The following POU2F3 variants were observed in gnomAD, a reference collection of about 807,000 sequenced individuals.
POU2F3 encodes the protein POU domain, class 2, transcription factor 3.
A neutral mutation model predicts 59.2 loss-of-function variants in POU2F3; 23 were observed. The ratio of observed to expected loss-of-function variants is 0.39; its 90% CI spans 0.28 to 0.55. The LOEUF (loss-of-function observed/expected upper bound fraction) is 0.55, where lower values mean the gene tolerates loss of function less well. POU2F3 is among the 20% of genes least tolerant of loss of function. The pLI, the probability that POU2F3 is intolerant of heterozygous loss-of-function variation, is 0.66. For missense variants in POU2F3, 473 were observed against 544.5 expected (o/e 0.87, Z 1.31); for synonymous variants, 190 against 214.6 (o/e 0.89, Z 1.00).
chr11:120,236,849 T>C (rs1269690854), upstream of POU2F3: 3 of 774,226 alleles, frequency 3.9e-6, no homozygotes, highest in Non-Finnish European at 4.2e-6. Flanking sequence ...ACCCCAGCCT[T>C]CTAAGCCTCA....
chr11:120,315,083 G>A (rs60577845), intron 10 of POU2F3, among the ~76,000 whole-genome samples: 2,345 of 152,368 alleles, frequency 0.015, 61 homozygotes, highest in African/African-American at 0.053. Context: ...GCTTGGCAGT[G>A]TCAAAGAAAC....
At chr11:120,264,379 G>A (rs1939735714) in intron 2 of POU2F3, among the ~76,000 whole-genome samples, 1 of 152,238 alleles carries the variant, frequency 6.6e-6, no homozygotes. Flanking sequence ...GTGAGACCCT[G>A]TCAATGAATG....
At position 120,317,389 on chromosome 11, in the gene POU2F3, G is replaced by A. The variant is rs779892034; in HGVS notation, c.1271+25G>A. The A allele has an allele frequency of 1.9e-6, 3 of 1,613,640 alleles. No individual in the cohort carries two copies. The East Asian group carries it at 6.7e-5, about 36-fold the overall frequency. On this transcript the variant is annotated intron_variant, in intron 12 of 12. Coordinates refer to ENST00000543440, the MANE Select transcript of POU2F3 (RefSeq NM_014352.4). The stretch of plus-strand genomic sequence containing the variant: ...GGTAAGGTGAAGGGGACGGTGCAGA[G>A]ACATCCCAGCAGGGCCAAGGGACAT...
intron 7 of POU2F3, 147 bp from the exon 8 acceptor site, chr11:120,305,497 G>T: frequency 1.6e-6 from 2 of 1,250,016 alleles, no homozygotes; most frequent in Non-Finnish European, 2.2e-6. Context: ...CACCTTAGAG[G>T]GAGGAGACTT....
chr11:120,298,279 T>C lies in POU2F3; in HGVS notation c.147T>C (p.Asp49=), dbSNP rs770358192. ...TCCACTTGCAGATTAAAACCGAAGA[T>C]CTCAGTGACTCCCTGCAGCAGACCC... ...LDFNRQIKTE[D]LSDSLQQTLS... is the part of the protein sequence containing the mutation. The change falls in exon 4 of 13, where the codon GAT becomes GAC. Residue 49 remains aspartate, a synonymous_variant. Transcript: ENST00000543440. 1 of 1,612,734 alleles carries C rather than the reference T, an allele frequency of 6.2e-7. No homozygotes were observed. The highest frequency in any genetic ancestry group is 2.2e-5 in the East Asian group (1 of 44,844).
At chr11:120,306,460 T>C (rs1483060708) in intron 8 of POU2F3, among the ~76,000 whole-genome samples, 1 of 152,170 alleles carries the variant, frequency 6.6e-6, no homozygotes, top group East Asian at 1.9e-4. Context: ...GTCATTCTTG[T>C]TACCAGGGAC....
At chr11:120,259,266 A>G (rs946193923) in intron 2 of POU2F3, 1 of 152,228 alleles carries the variant, frequency 6.6e-6, no homozygotes, top group African/African-American at 2.4e-5. Context: ...GCTTTAAACC[A>G]TGAAAACTCC....
In POU2F3 at chr11:120,240,146, G is replaced by T; in HGVS notation, c.-198G>T. 8.4e-7 allele frequency: 1 copy of T among 1,194,672 alleles called. No individual in the cohort carries two copies. The highest frequency in any genetic ancestry group is 1.0e-6 in the Non-Finnish European group (1 of 961,826). The allele number at this position is 1,194,672 out of a possible 1,614,324, so 74.0% of individuals were successfully genotyped here. A position where few individuals can be genotyped will look rare whatever the true frequency, so the allele number is the denominator to read the frequency against. On this transcript the variant is annotated 5_prime_UTR_variant, in exon 1 of 13. Coordinates refer to ENST00000543440, the MANE Select transcript of POU2F3 (RefSeq NM_014352.4). Reference sequence around the variant, plus strand: ...GCCGCGTGCTCACCTGGGGAGTGTGGCAATCCTGGCGGCGCCGAGTGTTGC... The same window carrying T: ...GCCGCGTGCTCACCTGGGGAGTGTGTCAATCCTGGCGGCGCCGAGTGTTGC...
chr11:120,312,149 G>A (rs1318345765), intron 10 of POU2F3, among the ~76,000 whole-genome samples: 2 of 152,096 alleles, frequency 1.3e-5, no homozygotes, highest in East Asian at 1.9e-4. Context: ...TTGAGACAGA[G>A]TTTTGCTCTT....
At chr11:120,296,919 C>T (rs116550218) in intron 3 of POU2F3, among the ~76,000 whole-genome samples, 2,900 of 152,202 alleles carry the variant, frequency 0.019, 90 homozygotes, top group African/African-American at 0.065. Context: ...TGATCCAAAG[C>T]ACCATTTTTT....
chr11:120,299,634 C>G lies in POU2F3; in HGVS notation c.269C>G (p.Ser90Cys), dbSNP rs777564793. ...TCTCTCCGTGTGTAGGACATGGCTT[C>G]CCTCCATCCGCTCCAGCAGCTTGTG... ...LNASPCQDMA[S>C]LHPLQQLVLV... The change falls in exon 5 of 13, where the codon TCC becomes TGC. Residue 90 changes from serine to cysteine, a missense_variant. Physicochemically the swap from Ser to Cys is moderately radical, Grantham distance 112 (BLOSUM62 -1). Coordinates refer to ENST00000543440, the MANE Select transcript of POU2F3 (RefSeq NM_014352.4). 1.7e-5 allele frequency: 28 copies of G among 1,613,594 alleles called. No homozygotes were observed. Among genetic ancestry groups the G allele is most frequent in the Non-Finnish European group, 2.4e-5 (28 of 1,179,832 alleles).
chr11:120,274,092 GAAGGAAGGAAGGAAGA>G (rs1318549255), intron 3 of POU2F3, among the ~76,000 whole-genome samples: 2,613 of 90,998 alleles, frequency 0.029, 93 homozygotes, highest in African/African-American at 0.11. Context: ...AGAAAGAAAG[GAAGGAAGGAAGGAAGA>G]AAGGAAGGAA....
chr11:120,236,811 C>A, upstream of POU2F3: 2 of 1,181,502 alleles, frequency 1.7e-6, no homozygotes, highest in Non-Finnish European at 2.4e-6. Flanking sequence ...TCCCCCTCAA[C>A]CCTATACACA....
chr11:120,309,462 C>A lies in POU2F3; in HGVS notation c.944C>A (p.Ala315Glu). ...KPSSEEISMI[A>E]EQLSMEKEVV... ...AGCTCGGAGGAGATCTCCATGATTG[C>A]AGAGCAGTTGTCCATGGAGAAGGAG... Residue 315 changes from alanine to glutamate, a missense_variant, in exon 10 of 13, where the codon GCA (alanine) becomes GAA (glutamate). By Grantham distance (107) the Ala-to-Glu change is moderately radical. Transcript: ENST00000543440. The A allele has an allele frequency of 6.2e-7, 1 of 1,614,012 alleles. No homozygotes were observed. Among genetic ancestry groups the A allele is most frequent in the Non-Finnish European group, 8.5e-7 (1 of 1,179,898 alleles).
chr11:120,284,551 G>A (rs1409964610), intron 3 of POU2F3, among the ~76,000 whole-genome samples: 1 of 152,144 alleles, frequency 6.6e-6, no homozygotes, highest in East Asian at 1.9e-4. Flanking sequence ...GACCCGGAGT[G>A]TGTGCAGGAC....
At chr11:120,313,920 A>C (rs1446774138) in intron 10 of POU2F3, among the ~76,000 whole-genome samples, 1 of 152,218 alleles carries the variant, frequency 6.6e-6, no homozygotes, top group East Asian at 1.9e-4. Flanking sequence ...AGATTGAGAC[A>C]AAAGAATCGC....
intron 8 of POU2F3, among the ~76,000 whole-genome samples, chr11:120,307,090 T>A (rs1048706527): frequency 6.6e-6 from 1 of 152,226 alleles, no homozygotes; most frequent in Non-Finnish European, 1.5e-5. Flanking sequence ...TCCAGGCATA[T>A]CTGTAAACAG....
chr11:120,318,408 C>T lies in POU2F3; in HGVS notation c.*16C>T. 1 of 1,578,764 alleles carries T rather than the reference C, an allele frequency of 6.3e-7. No individual in the cohort carries two copies. Among genetic ancestry groups the T allele is most frequent in the Non-Finnish European group, 8.7e-7 (1 of 1,147,756 alleles). On this transcript the variant is annotated 3_prime_UTR_variant, in exon 13 of 13. Transcript: ENST00000543440. ...CCTCCACTGAGACCAAAAAGTTTCT[C>T]CTACTCCAGCTGGCCCTGTATTCCC...
intron 3 of POU2F3, 80 bp from the exon 4 acceptor site, chr11:120,298,185 C>G: frequency 6.7e-7 from 1 of 1,494,484 alleles, no homozygotes. Context: ...TCCTTTCCTG[C>G]CTGGATCTTC....
Sources: gnomAD v4.1 joint callset for allele counts (sites outside exome capture counted in the v4.1 genomes callset) on GRCh38, gnomAD v4.1.1 for gene constraint, MANE v1.5 for transcripts, NCBI Gene and HGNC (gene_info 2026-07-23, HGNC 2026-07-21) for gene names.